Variants in ZNG1B observed in about 807,000 individuals in gnomAD.
ZNG1B encodes the protein Zn regulated GTPase metalloprotein activator 1B.
the ZNG1B span, chr2:113,481,993 T>TA: frequency 1.4e-5 from 13 of 927,606 alleles, no homozygotes; most frequent in African/African-American, 1.4e-4. Flanking sequence ...TAAGAAATTT[T>TA]AAAAAAACTT....
the ZNG1B span, among the ~76,000 whole-genome samples, chr2:113,456,172 G>A: frequency 2.6e-5 from 4 of 151,564 alleles, no homozygotes; most frequent in Non-Finnish European, 5.9e-5. Flanking sequence ...GAAAAGTTTG[G>A]AAGAAAACTC....
chr2:113,488,993 G>C, the ZNG1B span, among the ~76,000 whole-genome samples: 9,117 of 100,276 alleles, frequency 0.091, 474 homozygotes, highest in East Asian at 0.25. Flanking sequence ...AGACCTAGAT[G>C]CAAATACAAG....
chr2:113,444,205 A>G, the ZNG1B span: 5 of 404,924 alleles, frequency 1.2e-5, no homozygotes, highest in Non-Finnish European at 2.2e-5. Flanking sequence ...TATAAAAAAA[A>G]TAAATGACTA....
At chr2:113,460,489 T>A in the ZNG1B span, among the ~76,000 whole-genome samples, 8,372 of 151,976 alleles carry the variant, frequency 0.055, 773 homozygotes, top group African/African-American at 0.19. Flanking sequence ...TAGAAAAAAA[T>A]TGCAAATGGG....
the ZNG1B span, among the ~76,000 whole-genome samples, chr2:113,486,649 G>T: frequency 1.3e-5 from 2 of 152,202 alleles, no homozygotes; most frequent in Non-Finnish European, 2.9e-5. Context: ...CCAGCTACTC[G>T]AGAGGCTGAA....
the ZNG1B span, chr2:113,468,674 A>C: frequency 6.6e-6 from 1 of 150,602 alleles, no homozygotes; most frequent in Non-Finnish European, 1.5e-5. Context: ...TTTTATCTCC[A>C]AAGGAGGAAA....
the ZNG1B span, among the ~76,000 whole-genome samples, chr2:113,493,006 G>C: frequency 8.7e-6 from 1 of 115,356 alleles, no homozygotes; most frequent in Non-Finnish European, 1.8e-5. Flanking sequence ...TGACCTGTTA[G>C]AGGAAATGTT....
the ZNG1B span, among the ~76,000 whole-genome samples, chr2:113,451,135 C>T: frequency 1.3e-5 from 2 of 152,214 alleles, no homozygotes; most frequent in Non-Finnish European, 2.9e-5. Flanking sequence ...GTTGACTTTT[C>T]CTTGTGTTGC....
the ZNG1B span, among the ~76,000 whole-genome samples, chr2:113,488,676 C>T: frequency 2.0e-5 from 3 of 148,972 alleles, no homozygotes; most frequent in African/African-American, 7.4e-5. Flanking sequence ...AAAAAACAAT[C>T]AAAACTTTAG....
chr2:113,441,979 C>A, the ZNG1B span, among the ~76,000 whole-genome samples: 1 of 152,158 alleles, frequency 6.6e-6, no homozygotes, highest in African/African-American at 2.4e-5. Flanking sequence ...GCCTTGTGAT[C>A]CACCTGCCTC....
chr2:113,438,761 G>A, the ZNG1B span, among the ~76,000 whole-genome samples: 1 of 151,942 alleles, frequency 6.6e-6, no homozygotes, highest in African/African-American at 2.4e-5. Flanking sequence ...TAAATAGAAG[G>A]GCTAGAACAA....
the ZNG1B span, chr2:113,455,473 G>A: frequency 1.9e-6 from 1 of 518,688 alleles, no homozygotes; most frequent in South Asian, 1.5e-5. Context: ...ATTTAAATGA[G>A]GTTTAATTTA....
the ZNG1B span, among the ~76,000 whole-genome samples, chr2:113,477,289 C>G: frequency 0.025 from 3,761 of 152,212 alleles, 65 homozygotes; most frequent in Non-Finnish European, 0.039. Context: ...TTCCAGGTGC[C>G]GTCTGTCACC....
At chr2:113,475,389 A>G in the ZNG1B span, among the ~76,000 whole-genome samples, 1 of 151,824 alleles carries the variant, frequency 6.6e-6, no homozygotes, top group Non-Finnish European at 1.5e-5. Flanking sequence ...GTGTCTCTGC[A>G]CGTGAGATGG....
chr2:113,494,616 A>G, the ZNG1B span: 1 of 927,578 alleles, frequency 1.1e-6, no homozygotes, highest in Admixed American at 6.4e-5. Context: ...ATTTCTGCAA[A>G]TCAATACACA....
the ZNG1B span, chr2:113,471,220 T>C: frequency 7.1e-7 from 1 of 1,410,380 alleles, no homozygotes; most frequent in Non-Finnish European, 9.8e-7. Context: ...AGACCATACT[T>C]AATGAGGTAT....
At chr2:113,458,741 T>C in the ZNG1B span, among the ~76,000 whole-genome samples, 234 of 120,610 alleles carry the variant, frequency 1.9e-3, no homozygotes, top group African/African-American at 5.4e-3. Context: ...CAATTTCATA[T>C]GTTAAAAAAG....
the ZNG1B span, among the ~76,000 whole-genome samples, chr2:113,446,965 TC>T: frequency 6.6e-6 from 1 of 150,446 alleles, no homozygotes; most frequent in Non-Finnish European, 1.5e-5. Flanking sequence ...AATCGGAATC[TC>T]TAAGGGAGGG....
At chr2:113,455,529 G>A in the ZNG1B span, 1 of 1,214,892 alleles carries the variant, frequency 8.2e-7, no homozygotes, top group Non-Finnish European at 1.1e-6. Context: ...GTTACATACA[G>A]TAAAATGATG....
Sources: gnomAD v4.1 joint callset for allele counts (sites outside exome capture counted in the v4.1 genomes callset) on GRCh38, gnomAD v4.1.1 for gene constraint, MANE v1.5 for transcripts, NCBI Gene and HGNC (gene_info 2026-07-23, HGNC 2026-07-21) for gene names.